The following NCKAP5 variants were observed in gnomAD, a reference collection of about 807,000 sequenced individuals.
NCKAP5 encodes NCK associated protein 5, also known as nck-associated protein 5.
NCKAP5 carries 92 observed loss-of-function variants against 167.0 expected under a neutral mutation model. That is an observed-to-expected ratio of 0.55 (90% CI 0.47 to 0.66). The LOEUF (loss-of-function observed/expected upper bound fraction) is 0.66, where lower values mean the gene tolerates loss of function less well. Among genes scored for constraint, NCKAP5 ranks in the 30% least tolerant of loss-of-function variants. NCKAP5 has a pLI of 0.00. For missense variants in NCKAP5, 2,378 were observed against 2,315.0 expected, an observed-to-expected ratio of 1.03 and a Z score of -0.56; for synonymous variants, 891 against 877.4, an observed-to-expected ratio of 1.02 and a Z score of -0.27.
At chr2:132,995,380 G>A (rs954978605) in intron 6 of NCKAP5, among the ~76,000 whole-genome samples, 3 of 152,058 alleles carry the variant, frequency 2.0e-5, no homozygotes, top group Non-Finnish European at 4.4e-5. Flanking sequence ...GCTGGGCACG[G>A]TGGCTCATAC....
intron 11 of NCKAP5, among the ~76,000 whole-genome samples, chr2:132,847,110 C>G (rs1217564187): frequency 6.6e-6 from 1 of 151,896 alleles, no homozygotes; most frequent in Non-Finnish European, 1.5e-5. Context: ...CAAGTACATA[C>G]AAAGTGGCTA....
At chr2:133,191,866 T>C (rs1399591943) in intron 5 of NCKAP5, among the ~76,000 whole-genome samples, 1 of 151,950 alleles carries the variant, frequency 6.6e-6, no homozygotes, top group African/African-American at 2.4e-5. Flanking sequence ...CATGTATACA[T>C]ATGTAACAAA....
intron 6 of NCKAP5, among the ~76,000 whole-genome samples, chr2:133,022,145 C>A (rs1160969337): frequency 6.6e-6 from 1 of 151,960 alleles, no homozygotes; most frequent in Non-Finnish European, 1.5e-5. Flanking sequence ...GGGCTAAGAA[C>A]ACGTCACCTC....
Position 133,035,026 on chromosome 2 carries a change from C to T in NCKAP5, c.342-40787G>A, listed in dbSNP as rs192871597. Among the ~76,000 whole-genome samples the T allele has an allele frequency of 1.4e-4, 21 of 152,018 alleles. No individual in the cohort carries two copies. The East Asian group carries it at 4.1e-3, about 29-fold the overall frequency. Reference sequence around the variant, plus strand: ...TCTGTTGCCCACAAGAAACATATTTCATCTATAAAGACACACATGGACTGA... The same window carrying T: ...TCTGTTGCCCACAAGAAACATATTTTATCTATAAAGACACACATGGACTGA... On this transcript the variant is annotated intron_variant, in intron 6 of 19. Transcript: ENST00000409261.
the NCKAP5 span, among the ~76,000 whole-genome samples, chr2:133,583,077 C>T: frequency 6.6e-6 from 1 of 152,014 alleles, no homozygotes; most frequent in Non-Finnish European, 1.5e-5. Flanking sequence ...TGTAATGATA[C>T]TTCTTGGAAT....
chr2:133,615,030 T>C, the NCKAP5 span, among the ~76,000 whole-genome samples: 2 of 151,586 alleles, frequency 1.3e-5, no homozygotes, highest in Non-Finnish European at 3.0e-5. Context: ...CAACCCAGAA[T>C]TTCATATCCA....
intron 6 of NCKAP5, among the ~76,000 whole-genome samples, chr2:133,027,472 G>C (rs150257345): frequency 1.3e-5 from 2 of 152,154 alleles, no homozygotes; most frequent in Non-Finnish European, 2.9e-5. Context: ...GATGAAGCAC[G>C]TGAGACAGGC....
intron 12 of NCKAP5, 115 bp from the exon 13 acceptor site, chr2:132,790,320 T>C (rs1031196700): frequency 3.4e-6 from 3 of 890,692 alleles, no homozygotes; most frequent in African/African-American, 3.4e-5. Flanking sequence ...ATGGCAGGAG[T>C]ACATCCTGAT....
In NCKAP5 at chr2:132,752,762, A is replaced by G. The variant is rs895901163; in HGVS notation, c.5129-20711T>C. 3.9e-5 allele frequency among the ~76,000 whole-genome samples: 6 copies of G among 152,208 alleles called. No homozygotes were observed. The South Asian group carries it at 1.2e-3, about 32-fold the overall frequency. On this transcript the variant is annotated intron_variant, in intron 16 of 19. Coordinates refer to ENST00000409261, the MANE Select transcript of NCKAP5 (RefSeq NM_207363.3). Reference sequence around the variant, plus strand: ...GGCTCACATGATACCAAAGCGGACAATTCCCAAGATCTTCAGGGTAAGCCA... The same window carrying G: ...GGCTCACATGATACCAAAGCGGACAGTTCCCAAGATCTTCAGGGTAAGCCA...
At chr2:133,096,272 C>T (rs1165285223) in intron 6 of NCKAP5, among the ~76,000 whole-genome samples, 1 of 152,254 alleles carries the variant, frequency 6.6e-6, no homozygotes, top group East Asian at 1.9e-4. Flanking sequence ...AGGTGGAACA[C>T]TTGAGACCAG....
At chr2:133,669,414 T>C in the NCKAP5 span, among the ~76,000 whole-genome samples, 99 of 152,260 alleles carry the variant, frequency 6.5e-4, no homozygotes, top group African/African-American at 2.3e-3. Context: ...TTTTCCCCCC[T>C]ATCATTCTTA....
At chr2:133,182,649 C>T (rs1559235182) in intron 5 of NCKAP5, among the ~76,000 whole-genome samples, 1 of 152,052 alleles carries the variant, frequency 6.6e-6, no homozygotes, top group African/African-American at 2.4e-5. Context: ...ATTTATAGCA[C>T]TAGATTCATA....
chr2:133,557,440 C>T (rs1023933603), intron 2 of NCKAP5, among the ~76,000 whole-genome samples: 16 of 152,170 alleles, frequency 1.1e-4, no homozygotes, highest in African/African-American at 3.9e-4. Flanking sequence ...TACACAAGCA[C>T]AGCCCTCGCC....
intron 3 of NCKAP5, among the ~76,000 whole-genome samples, chr2:133,353,035 T>C (rs1422673035): frequency 6.6e-6 from 1 of 152,174 alleles, no homozygotes; most frequent in Non-Finnish European, 1.5e-5. Context: ...AGGTCTTGGG[T>C]GGACAGGACT....
At chr2:132,854,928 C>T (rs1050673338) in intron 11 of NCKAP5, among the ~76,000 whole-genome samples, 3 of 151,936 alleles carry the variant, frequency 2.0e-5, no homozygotes, top group African/African-American at 7.3e-5. Flanking sequence ...AGTATTTCTG[C>T]TTGGCTGAAG....
chr2:133,627,346 G>A, the NCKAP5 span, among the ~76,000 whole-genome samples: 1 of 152,120 alleles, frequency 6.6e-6, no homozygotes, highest in Non-Finnish European at 1.5e-5. Context: ...AAATAGAACA[G>A]ATAATTCACA....
chr2:133,113,725 G>A (rs535352376), intron 6 of NCKAP5, among the ~76,000 whole-genome samples: 10 of 152,314 alleles, frequency 6.6e-5, no homozygotes, highest in Non-Finnish European at 1.2e-4. Flanking sequence ...GATCCAAAAA[G>A]TAGCCAAATG....
At chr2:133,110,521 A>G (rs1191827216) in intron 6 of NCKAP5, among the ~76,000 whole-genome samples, 1 of 152,204 alleles carries the variant, frequency 6.6e-6, no homozygotes, top group Non-Finnish European at 1.5e-5. Context: ...GTATTTCGGC[A>G]TTTTAAAAAC....
intron 6 of NCKAP5, among the ~76,000 whole-genome samples, chr2:133,107,149 G>A (rs2081734032): frequency 6.6e-6 from 1 of 152,118 alleles, no homozygotes; most frequent in African/African-American, 2.4e-5. Flanking sequence ...GGTGAAGCTG[G>A]AGCAAACTCT....
Sources: allele counts gnomAD v4.1 joint callset (sites outside exome capture counted in the v4.1 genomes callset), GRCh38; gene constraint gnomAD v4.1.1; transcripts MANE v1.5; gene names NCBI Gene and HGNC (gene_info 2026-07-23, HGNC 2026-07-21).